The following ERGIC1 variants were observed in gnomAD, a reference collection of about 807,000 sequenced individuals.
The protein encoded by ERGIC1 is endoplasmic reticulum-golgi intermediate compartment 1.
A neutral mutation model predicts 38.3 loss-of-function variants in ERGIC1; 19 were observed. The observed-to-expected ratio is 0.50, with a 90% CI of 0.35 to 0.73. ERGIC1 has a LOEUF of 0.73. Ranked by LOEUF, ERGIC1 falls within the 30% of genes least tolerant of loss-of-function variation. The pLI, the probability that ERGIC1 is intolerant of heterozygous loss-of-function variation, is 0.01. For missense variants in ERGIC1, 294 were observed against 389.2 expected (o/e 0.76, Z 2.06); for synonymous variants, 124 against 157.6 (o/e 0.79, Z 1.60).
rs1763594241 is a variant in ERGIC1, at chr5:172,923,992, A to G, written c.376-13A>G. On this transcript the variant is annotated splice_polypyrimidine_tract_variant and intron_variant, in intron 5 of 9. Transcript: ENST00000393784. ...AGTCAACCAAACTCCTGAAACTCAC[A>G]TTTCTCCCCCAGGTCCCCGGCAACT... The G allele has an allele frequency of 6.2e-7, 1 of 1,613,404 alleles. No homozygotes were observed. The highest frequency in any genetic ancestry group is 1.7e-5 in the Admixed American group (1 of 59,938).
At chr5:172,915,117 C>T in intron 5 of ERGIC1, 1 of 695,004 alleles carries the variant, frequency 1.4e-6, no homozygotes, top group Non-Finnish European at 2.6e-6. Context: ...TTTGCAGCCC[C>T]CAGCCCTGGG....
chr5:172,909,539 G>A, intron 3 of ERGIC1, 128 bp from the exon 4 acceptor site: 1 of 795,476 alleles, frequency 1.3e-6, no homozygotes, highest in Non-Finnish European at 2.2e-6. Flanking sequence ...GGAGGTGCAG[G>A]CTCTGCCCAG....
chr5:172,863,759 G>A (rs370578618), intron 1 of ERGIC1, among the ~76,000 whole-genome samples: 2 of 152,160 alleles, frequency 1.3e-5, no homozygotes, highest in Non-Finnish European at 2.9e-5. Context: ...ACTTAATTCC[G>A]AGAGCAGGGC....
intron 1 of ERGIC1, among the ~76,000 whole-genome samples, chr5:172,835,926 G>T (rs1428396183): frequency 1.3e-5 from 2 of 152,194 alleles, no homozygotes; most frequent in African/African-American, 4.8e-5. Flanking sequence ...GGCCATAAGA[G>T]CTGTGGTCGG....
chr5:172,883,324 G>A (rs530156092), intron 1 of ERGIC1, among the ~76,000 whole-genome samples: 18 of 152,198 alleles, frequency 1.2e-4, no homozygotes, highest in African/African-American at 2.4e-4. Context: ...TCTGCAGATC[G>A]TACTCAACTT....
At position 172,834,444 on chromosome 5, in the gene ERGIC1, C is replaced by A. The variant is rs1008234374; in HGVS notation, c.20+11C>A. 4 of 1,326,286 alleles carry A rather than the reference C, an allele frequency of 3.0e-6. No homozygotes were observed. The African/African-American group carries it at 6.1e-5, about 20-fold the overall frequency. The allele number at this position is 1,326,286 out of a possible 1,614,324, so 82.2% of individuals were successfully genotyped here. A position where few individuals can be genotyped will look rare whatever the true frequency, so the allele number is the denominator to read the frequency against. On this transcript the variant is annotated intron_variant, in intron 1 of 9. Transcript: ENST00000393784. This position sits in a 1 kb window ranked among gnomAD's most constrained non-coding sequence, Gnocchi z 4.1. ...CTTTGACTTCAGGAGGTGAGTGTGG[C>A]GACCCCGGCCAGTCGGGAGTTCCCT...
intron 8 of ERGIC1, chr5:172,933,783 C>T (rs1190839194): frequency 6.6e-6 from 1 of 152,202 alleles, no homozygotes; most frequent in African/African-American, 2.4e-5. Context: ...CTCAGTCATT[C>T]ACTAGCTATT....
At chr5:172,914,246 A>ATAAAAT (rs1377534467) in intron 4 of ERGIC1, among the ~76,000 whole-genome samples, 1 of 120,904 alleles carries the variant, frequency 8.3e-6, no homozygotes, top group Non-Finnish European at 1.7e-5. Flanking sequence ...AAAAAAAAAA[A>ATAAAAT]AAAAAAAAAA....
At chr5:172,935,884 C>G (rs1291804865) in intron 9 of ERGIC1, 1 of 153,880 alleles carries the variant, frequency 6.5e-6, no homozygotes, top group Non-Finnish European at 1.4e-5. Flanking sequence ...GCCTCCCATT[C>G]AGAAGGTCCT....
rs1431076847 is a variant in ERGIC1 at position 172,834,908 on chromosome 5, T to A, written c.20+475T>A. On this transcript the variant is annotated intron_variant, in intron 1 of 9. Transcript: ENST00000393784. This position sits in a 1 kb window ranked among gnomAD's most constrained non-coding sequence, Gnocchi z 4.1. Reference sequence around the variant, plus strand: ...GCAGCTGGAGGGTTTTAAGTTTCTATAGCCTGAGGCTCCCCCAGGCCGGGC... The same window carrying A: ...GCAGCTGGAGGGTTTTAAGTTTCTAAAGCCTGAGGCTCCCCCAGGCCGGGC... 1.3e-5 allele frequency among the ~76,000 whole-genome samples: 2 copies of A among 152,004 alleles called. No individual in the cohort carries two copies. The highest frequency in any genetic ancestry group is 2.9e-5 in the Non-Finnish European group (2 of 67,956).
At chr5:172,896,034 C>T (rs1229095549) in intron 2 of ERGIC1, among the ~76,000 whole-genome samples, 1 of 152,082 alleles carries the variant, frequency 6.6e-6, no homozygotes, top group African/African-American at 2.4e-5. Flanking sequence ...CTCTGTTCTA[C>T]ACTCTGCATT....
In ERGIC1 at chr5:172,834,277, C is replaced by A; in HGVS notation, c.-137C>A. ...CTTCCCGGCAGCGGGAGGCGAGTGGCGAGTGGCGAGTGGCGAGTGTCAGGG... is the reference window on the plus strand; with the variant it reads ...CTTCCCGGCAGCGGGAGGCGAGTGGAGAGTGGCGAGTGGCGAGTGTCAGGG... On this transcript the variant is annotated 5_prime_UTR_variant, in exon 1 of 10. Coordinates refer to ENST00000393784, the MANE Select transcript of ERGIC1 (RefSeq NM_001031711.3). This position sits in a 1 kb window ranked among gnomAD's most constrained non-coding sequence, Gnocchi z 4.1. 1.2e-6 allele frequency: 1 copy of A among 803,610 alleles called. No individual in the cohort carries two copies. The highest frequency in any genetic ancestry group is 1.6e-6 in the Non-Finnish European group (1 of 629,906). The allele number at this position is 803,610 out of a possible 1,614,324, so 49.8% of individuals were successfully genotyped here.
At position 172,834,496 on chromosome 5, in the gene ERGIC1, C is replaced by T; in HGVS notation, c.20+63C>T. On this transcript the variant is annotated intron_variant, in intron 1 of 9. Transcript: ENST00000393784. This position sits in a 1 kb window ranked among gnomAD's most constrained non-coding sequence, Gnocchi z 4.1. Reference sequence around the variant, plus strand: ...AGCGGGCAGAGGGAGCGCCCCGGCACGCCGCGGACCCCTCCCGCCCTGCAT... The same window carrying T: ...AGCGGGCAGAGGGAGCGCCCCGGCATGCCGCGGACCCCTCCCGCCCTGCAT... 7.9e-7 allele frequency: 1 copy of T among 1,262,214 alleles called. No homozygotes were observed. 78.2% of individuals were successfully genotyped at this position (1,262,214 alleles called of 1,614,324 possible).
chr5:172,880,719 A>G (rs1762257694), intron 1 of ERGIC1, among the ~76,000 whole-genome samples: 1 of 152,192 alleles, frequency 6.6e-6, no homozygotes, highest in African/African-American at 2.4e-5. Context: ...CTGTAAAGCG[A>G]ACGGGTTGGA....
At chr5:172,909,336 T>C (rs1405478759) in intron 3 of ERGIC1, among the ~76,000 whole-genome samples, 2 of 152,182 alleles carry the variant, frequency 1.3e-5, no homozygotes, top group Non-Finnish European at 2.9e-5. Flanking sequence ...AATTTTGTAT[T>C]TTTAGTAGAG....
intron 1 of ERGIC1, among the ~76,000 whole-genome samples, chr5:172,865,257 T>C (rs1020411044): frequency 1.1e-4 from 16 of 152,224 alleles, no homozygotes; most frequent in African/African-American, 3.9e-4. Context: ...GGTTTCACCA[T>C]GTTGGCCAGG....
intron 9 of ERGIC1, chr5:172,935,755 C>A (rs1763877092): frequency 6.0e-6 from 1 of 166,560 alleles, no homozygotes; most frequent in Admixed American, 5.6e-5. Flanking sequence ...CCTTTCCTTC[C>A]TCTCTGTTCT....
chr5:172,881,982 C>T (rs1405809936), intron 1 of ERGIC1, among the ~76,000 whole-genome samples: 2 of 152,180 alleles, frequency 1.3e-5, no homozygotes, highest in Non-Finnish European at 2.9e-5. Flanking sequence ...CTAATGTCAG[C>T]CAGGGAGGAC....
intron 9 of ERGIC1, among the ~76,000 whole-genome samples, chr5:172,938,392 G>A (rs556795548): frequency 3.3e-5 from 5 of 152,214 alleles, no homozygotes; most frequent in African/African-American, 1.2e-4. Context: ...GGGTTCAGAA[G>A]GCTCTTTTCT....
Sources: allele counts gnomAD v4.1 joint callset (sites outside exome capture counted in the v4.1 genomes callset), GRCh38; gene constraint gnomAD v4.1.1; non-coding constraint Gnocchi (gnomAD v3.1); transcripts MANE v1.5; gene names NCBI Gene and HGNC (gene_info 2026-07-23, HGNC 2026-07-21).